Variants in MDGA2 observed in about 807,000 individuals in gnomAD.
MDGA2 encodes the protein MAM domain containing glycosylphosphatidylinositol anchor 2.
Under a neutral mutation model 117.8 loss-of-function variants are expected in MDGA2, and 40 were observed. The observed-to-expected ratio is 0.34, with a 90% confidence interval of 0.26 to 0.44. The LOEUF (loss-of-function observed/expected upper bound fraction) is 0.44. Among genes scored for constraint, MDGA2 ranks in the 20% least tolerant of loss-of-function variants. MDGA2 has a pLI of 1.00. For missense variants in MDGA2, 1,123 were observed against 1,250.6 expected, an observed-to-expected ratio of 0.90 and a Z score of 1.54; for synonymous variants, 452 against 439.0, an observed-to-expected ratio of 1.03 and a Z score of -0.37.
chr14:46,977,907 C>T lies in MDGA2; in HGVS notation c.1820-20264G>A, dbSNP rs1316804474. Among the ~76,000 whole-genome samples, 4 of 151,846 alleles carry T rather than the reference C, an allele frequency of 2.6e-5. No individual in the cohort carries two copies. In the East Asian group the frequency reaches 7.7e-4, roughly 29 times the overall value. On this transcript the variant is annotated intron_variant, in intron 8 of 16. Transcript: ENST00000399232. The stretch of plus-strand genomic sequence containing the variant: ...GGCCAAAAAAGTAGATAATGTGTTG[C>T]TTTAGTCTCAGTAGTAAGGGACTAT...
At chr14:46,867,606 AT>A (rs750014759) in intron 14 of MDGA2, among the ~76,000 whole-genome samples, 2 of 152,074 alleles carry the variant, frequency 1.3e-5, no homozygotes, top group Admixed American at 6.6e-5. Context: ...CCTTCTCTAC[AT>A]TAAGTTAGAT....
chr14:46,842,160 T>C (rs1880643368), intron 16 of MDGA2, 141 bp from the exon 17 acceptor site: 2 of 603,140 alleles, frequency 3.3e-6, no homozygotes, highest in South Asian at 4.8e-5. Flanking sequence ...TTTGTTTTAT[T>C]TATCAGCTTC....
intron 1 of MDGA2, among the ~76,000 whole-genome samples, chr14:47,553,066 C>T (rs190059940): frequency 1.3e-4 from 19 of 149,062 alleles, no homozygotes; most frequent in South Asian, 6.2e-4. Context: ...TAACCTGAGG[C>T]GGCCCTAACC....
chr14:46,889,328 G>A lies in MDGA2; in HGVS notation c.2239-7107C>T, dbSNP rs143221139. The stretch of plus-strand genomic sequence containing the variant: ...ATATTTTGCTTATCATACTTTGCTC[G>A]TGCTATTAACACCTTTAGAAGTGAC... On this transcript the variant is annotated intron_variant, in intron 10 of 16. Transcript: ENST00000399232. Among the ~76,000 whole-genome samples the A allele has an allele frequency of 3.9e-3, 595 of 151,906 alleles. 8 individuals carry two copies. The highest frequency in any genetic ancestry group is 0.012 in the African/African-American group (510 of 41,442).
chr14:46,943,397 G>T (rs1024616312), intron 9 of MDGA2, among the ~76,000 whole-genome samples: 1 of 151,850 alleles, frequency 6.6e-6, no homozygotes, highest in Non-Finnish European at 1.5e-5. Flanking sequence ...TACATTTACT[G>T]TAATTATTAA....
chr14:47,100,345 C>A (rs1880232494), intron 5 of MDGA2, among the ~76,000 whole-genome samples: 1 of 151,950 alleles, frequency 6.6e-6, no homozygotes, highest in Non-Finnish European at 1.5e-5. Context: ...TCTTCTTCTG[C>A]ACTTATATGG....
chr14:47,265,494 T>C (rs939485100), intron 2 of MDGA2, among the ~76,000 whole-genome samples: 3 of 152,118 alleles, frequency 2.0e-5, no homozygotes, highest in African/African-American at 4.8e-5. Context: ...GAGTTTTCAT[T>C]AGTTGGTCTA....
intron 2 of MDGA2, among the ~76,000 whole-genome samples, chr14:47,223,947 A>T (rs770548140): frequency 6.6e-6 from 1 of 152,128 alleles, no homozygotes; most frequent in East Asian, 1.9e-4. Flanking sequence ...AGATCTTATG[A>T]GGATTCACTA....
At chr14:47,384,111 C>T (rs899341086) in intron 1 of MDGA2, among the ~76,000 whole-genome samples, 1 of 151,902 alleles carries the variant, frequency 6.6e-6, no homozygotes, top group Non-Finnish European at 1.5e-5. Context: ...CCTATAATTT[C>T]ATATGAAAAA....
chr14:46,984,264 C>T (rs938623358), intron 8 of MDGA2, among the ~76,000 whole-genome samples: 2 of 151,968 alleles, frequency 1.3e-5, no homozygotes, highest in Non-Finnish European at 2.9e-5. Flanking sequence ...GCTTCACTTC[C>T]TCTTCCTTAA....
At chr14:46,911,432 T>C (rs1011863339) in intron 10 of MDGA2, among the ~76,000 whole-genome samples, 7 of 152,236 alleles carry the variant, frequency 4.6e-5, no homozygotes, top group Admixed American at 2.0e-4. Flanking sequence ...AAGATAAATA[T>C]TGTTTCAGCT....
chr14:47,383,561 C>T (rs1416462755), intron 1 of MDGA2, among the ~76,000 whole-genome samples: 2 of 151,952 alleles, frequency 1.3e-5, no homozygotes, highest in Non-Finnish European at 1.5e-5. Flanking sequence ...TTTTTCGAGA[C>T]AGGGTCTCAC....
intron 2 of MDGA2, among the ~76,000 whole-genome samples, chr14:47,250,161 T>C (rs757380089): frequency 4.6e-5 from 7 of 152,174 alleles, no homozygotes; most frequent in Non-Finnish European, 1.0e-4. Context: ...CCTTGGACTA[T>C]AGCAAAAGAC....
chr14:47,266,152 C>T (rs1365660149), intron 2 of MDGA2, among the ~76,000 whole-genome samples: 4 of 152,172 alleles, frequency 2.6e-5, no homozygotes, highest in South Asian at 2.1e-4. Context: ...CCCAAATTAT[C>T]GCAGGGATAA....
intron 6 of MDGA2, among the ~76,000 whole-genome samples, chr14:47,085,075 A>AG (rs1890848923): frequency 6.6e-6 from 1 of 152,168 alleles, no homozygotes; most frequent in Non-Finnish European, 1.5e-5. Context: ...AGAAAAAAAA[A>AG]TCACAGTGAA....
chr14:47,513,964 G>T (rs1894697878), intron 1 of MDGA2, among the ~76,000 whole-genome samples: 1 of 152,090 alleles, frequency 6.6e-6, no homozygotes, highest in South Asian at 2.1e-4. Flanking sequence ...AACAAATCTT[G>T]TTGATTTCTA....
intron 3 of MDGA2, among the ~76,000 whole-genome samples, chr14:47,199,008 T>A (rs1194500928): frequency 1.3e-5 from 2 of 152,134 alleles, no homozygotes; most frequent in African/African-American, 4.8e-5. Flanking sequence ...TCTCCAAGAT[T>A]GCAATATAAA....
At chr14:46,844,783 T>C (rs1158271187) in intron 16 of MDGA2, among the ~76,000 whole-genome samples, 5 of 152,130 alleles carry the variant, frequency 3.3e-5, no homozygotes, top group African/African-American at 9.7e-5. Context: ...ATGTTTCAAG[T>C]GAGAGACCAG....
At chr14:47,287,168 C>G (rs192976068) in intron 2 of MDGA2, among the ~76,000 whole-genome samples, 2 of 152,048 alleles carry the variant, frequency 1.3e-5, no homozygotes, top group African/African-American at 4.8e-5. Context: ...CTGTTTGACT[C>G]CAAAGCCTAT....
Sources: gnomAD v4.1 joint callset for allele counts (sites outside exome capture counted in the v4.1 genomes callset) on GRCh38, gnomAD v4.1.1 for gene constraint, MANE v1.5 for transcripts, NCBI Gene and HGNC (gene_info 2026-07-23, HGNC 2026-07-21) for gene names.